Variants in CDH22 observed in about 807,000 individuals in gnomAD.
CDH22 encodes the protein cadherin-22.
A neutral mutation model predicts 58.4 loss-of-function variants in CDH22; 30 were observed. The ratio of observed to expected loss-of-function variants is 0.51; its 90% CI spans 0.38 to 0.70. CDH22 has a LOEUF of 0.70. Ranked by LOEUF, CDH22 falls within the 30% of genes least tolerant of loss-of-function variation. The pLI, the probability that CDH22 is intolerant of heterozygous loss-of-function variation, is 0.00. For synonymous variants in CDH22, 513 were observed against 558.2 expected (o/e 0.92, Z 1.14); for missense variants, 1,014 against 1,233.9 (o/e 0.82, Z 2.67).
rs1184760426 is a variant in CDH22, at chr20:46,300,148, A to G, written c.-400+8107T>C. 6.6e-6 allele frequency among the ~76,000 whole-genome samples: 1 copy of G among 152,104 alleles called. No individual in the cohort carries two copies. The highest frequency in any genetic ancestry group is 1.5e-5 in the Non-Finnish European group (1 of 68,016). ...CTCGTCAGTCCCTAAAGGCCCTTTC[A>G]ACTCCAAAATGCATAACCCTAAACA... is the stretch of plus-strand genomic sequence containing the variant. On this transcript the variant is annotated intron_variant, in intron 1 of 11. Transcript: ENST00000537909. The surrounding 1 kb of genome is among the most constrained non-coding windows in gnomAD (Gnocchi z 4.4).
chr20:46,203,431 C>T (rs1285163342), intron 7 of CDH22, among the ~76,000 whole-genome samples: 1 of 151,996 alleles, frequency 6.6e-6, no homozygotes, highest in East Asian at 1.9e-4. Context: ...TTTTGTGTGG[C>T]GTGAATATGT....
Position 46,175,166 on chromosome 20 carries a change from C to A in CDH22, c.1916-89G>T, listed in dbSNP as rs544789063. The A allele has an allele frequency of 4.0e-4, 510 of 1,288,244 alleles. 13 individuals carry two copies. In the South Asian group the frequency reaches 5.7e-3, roughly 14 times the overall value. The allele number at this position is 1,288,244 out of a possible 1,614,324, so 79.8% of individuals were successfully genotyped here. On this transcript the variant is annotated intron_variant, in intron 11 of 11. Coordinates refer to ENST00000537909, the MANE Select transcript of CDH22 (RefSeq NM_021248.3). ...CTACCCCATCTCCTCCCGCCTCCCACCCAGCAGAGCGGGCCCAGCCTCAAC... is the reference window on the plus strand; with the variant it reads ...CTACCCCATCTCCTCCCGCCTCCCAACCAGCAGAGCGGGCCCAGCCTCAAC...
intron 1 of CDH22, among the ~76,000 whole-genome samples, chr20:46,253,036 G>A (rs183786652): frequency 1.2e-4 from 18 of 152,330 alleles, no homozygotes; most frequent in African/African-American, 3.8e-4. Flanking sequence ...TTGTGAGCAG[G>A]GGTGTGTGTT....
At chr20:46,221,026 C>A (rs934369640) in intron 4 of CDH22, among the ~76,000 whole-genome samples, 1 of 152,122 alleles carries the variant, frequency 6.6e-6, no homozygotes, top group South Asian at 2.1e-4. Context: ...GTTTGATAAG[C>A]CCCTGTATGC....
intron 1 of CDH22, among the ~76,000 whole-genome samples, chr20:46,284,701 G>T (rs1479363675): frequency 6.6e-6 from 1 of 152,172 alleles, no homozygotes; most frequent in East Asian, 1.9e-4. Context: ...AGGCCACAGG[G>T]CTGTAGATTC....
intron 1 of CDH22, among the ~76,000 whole-genome samples, chr20:46,256,889 C>T (rs1279044623): frequency 6.6e-6 from 1 of 151,780 alleles, no homozygotes; most frequent in East Asian, 1.9e-4. Flanking sequence ...GCCTGTAGTC[C>T]CAGCTACTTG....
In CDH22 at chr20:46,196,333, G is replaced by C. The variant is rs550911247; in HGVS notation, c.1423+3090C>G. ...CCTGTTGCCCAGGCTGGAGCGCAGG[G>C]GCATGATCTTGGCTCATTGCAACCT... On this transcript the variant is annotated intron_variant, in intron 8 of 11. Coordinates refer to ENST00000537909, the MANE Select transcript of CDH22 (RefSeq NM_021248.3). Among the ~76,000 whole-genome samples the C allele has an allele frequency of 4.9e-4, 74 of 152,176 alleles. 1 individual carries two copies. The highest frequency in any genetic ancestry group is 1.7e-3 in the African/African-American group (71 of 41,518).
At chr20:46,192,516 C>T (rs2085867772) in intron 8 of CDH22, among the ~76,000 whole-genome samples, 1 of 149,856 alleles carries the variant, frequency 6.7e-6, no homozygotes, top group South Asian at 2.1e-4. Context: ...AAGACAGAAG[C>T]CTGGAGAGAA....
chr20:46,214,198 G>T (rs1454350141), intron 5 of CDH22, among the ~76,000 whole-genome samples: 1 of 152,168 alleles, frequency 6.6e-6, no homozygotes, highest in Admixed American at 6.5e-5. Context: ...GTGGCTGGAG[G>T]GGAGGAGCAG....
At chr20:46,281,869 C>T (rs2086552434) in intron 1 of CDH22, among the ~76,000 whole-genome samples, 1 of 152,242 alleles carries the variant, frequency 6.6e-6, no homozygotes, top group Non-Finnish European at 1.5e-5. Flanking sequence ...CTTTTGAATG[C>T]TTACTATGTG....
chr20:46,193,704 C>T (rs2085877834), intron 8 of CDH22, among the ~76,000 whole-genome samples: 1 of 152,194 alleles, frequency 6.6e-6, no homozygotes, highest in Non-Finnish European at 1.5e-5. Context: ...CACACCCAGC[C>T]TCTCTGTTCT....
intron 1 of CDH22, among the ~76,000 whole-genome samples, chr20:46,276,869 T>A (rs567103530): frequency 6.6e-6 from 1 of 152,114 alleles, no homozygotes; most frequent in Non-Finnish European, 1.5e-5. Context: ...GTCAAATGGA[T>A]GGTTTATTTT....
chr20:46,191,798 T>C (rs1424917088), intron 8 of CDH22, among the ~76,000 whole-genome samples: 1 of 152,138 alleles, frequency 6.6e-6, no homozygotes, highest in Non-Finnish European at 1.5e-5. Flanking sequence ...CTGAACAAAT[T>C]TCCCTGCTTC....
At chr20:46,243,019 A>G (rs1370185979) in intron 2 of CDH22, among the ~76,000 whole-genome samples, 2 of 152,146 alleles carry the variant, frequency 1.3e-5, no homozygotes, top group Admixed American at 6.5e-5. Context: ...GGCAGCTTCA[A>G]GCAGAGGAAA....
intron 3 of CDH22, among the ~76,000 whole-genome samples, chr20:46,233,923 C>T (rs1405199875): frequency 2.0e-5 from 3 of 152,310 alleles, no homozygotes; most frequent in South Asian, 2.1e-4. Flanking sequence ...CAGAGACCAG[C>T]GATTGATTCC....
chr20:46,306,259 C>T (rs1568688028), intron 1 of CDH22, among the ~76,000 whole-genome samples: 1 of 152,364 alleles, frequency 6.6e-6, no homozygotes, highest in East Asian at 1.9e-4. Context: ...GTTGGTGAGG[C>T]CTGGATGTCA....
chr20:46,276,235 T>TG (rs2086516376), intron 1 of CDH22, among the ~76,000 whole-genome samples: 1 of 152,198 alleles, frequency 6.6e-6, no homozygotes, highest in Non-Finnish European at 1.5e-5. Flanking sequence ...CTGCAGAGCC[T>TG]GAAGCCAAAG....
intron 1 of CDH22, among the ~76,000 whole-genome samples, chr20:46,275,806 T>G (rs188420881): frequency 6.6e-6 from 1 of 151,342 alleles, no homozygotes; most frequent in East Asian, 1.9e-4. Context: ...AAAAAAAAAT[T>G]AAGCCAGTAA....
intron 1 of CDH22, among the ~76,000 whole-genome samples, chr20:46,298,566 G>A (rs1267399808): frequency 6.6e-6 from 1 of 152,084 alleles, no homozygotes; most frequent in African/African-American, 2.4e-5. Flanking sequence ...TGAACTGCAG[G>A]CAGATGGATG....
Sources: gnomAD v4.1 joint callset for allele counts (sites outside exome capture counted in the v4.1 genomes callset) on GRCh38, gnomAD v4.1.1 for gene constraint, Gnocchi (gnomAD v3.1) non-coding constraint, MANE v1.5 for transcripts, NCBI Gene and HGNC (gene_info 2026-07-23, HGNC 2026-07-21) for gene names.